The following TAFA4 variants were observed in gnomAD, a reference collection of about 807,000 sequenced individuals.
The protein encoded by TAFA4 is TAFA chemokine like family member 4, also known as chemokine-like protein TAFA-4.
In TAFA4, 20 loss-of-function variants were observed where a neutral mutation model predicts 21.1. The ratio of observed to expected loss-of-function variants is 0.95; its 90% confidence interval spans 0.67 to 1.38. TAFA4 has a LOEUF of 1.38. TAFA4 is among the 40% of genes most tolerant of loss of function. TAFA4 has a pLI of 0.00. For missense variants in TAFA4, 211 were observed against 180.9 expected (o/e 1.17, Z -0.95); for synonymous variants, 71 against 67.4 (o/e 1.05, Z -0.26).
chr3:68,818,374 G>T (rs1704034529), intron 3 of TAFA4, among the ~76,000 whole-genome samples: 1 of 152,174 alleles, frequency 6.6e-6, no homozygotes, highest in South Asian at 2.1e-4. Flanking sequence ...CAATAAGGCT[G>T]TTTTGCTTCA....
chr3:68,848,819 A>G (rs933495353), intron 3 of TAFA4, among the ~76,000 whole-genome samples: 3 of 152,130 alleles, frequency 2.0e-5, no homozygotes, highest in African/African-American at 4.8e-5. Flanking sequence ...GAGTGGGAAC[A>G]TGCACAGCTC....
In TAFA4 at chr3:68,911,391, G is replaced by T. The variant is rs76363274; in HGVS notation, c.-123+20849C>A. Among the ~76,000 whole-genome samples, 941 of 152,298 alleles carry T rather than the reference G, an allele frequency of 6.2e-3. 18 individuals are homozygous for T. Among genetic ancestry groups the T allele is most frequent in the African/African-American group, 0.022 (914 of 41,556 alleles). On this transcript the variant is annotated intron_variant, in intron 1 of 5. Coordinates refer to ENST00000295569, the MANE Select transcript of TAFA4 (RefSeq NM_182522.5). ...ATTCCCTGTGTATTTTGATGGAAAA[G>T]ACACTAACAAAGACTTATGTGTCAA...
At chr3:68,789,052 T>C (rs192149489) in intron 3 of TAFA4, among the ~76,000 whole-genome samples, 8 of 152,180 alleles carry the variant, frequency 5.3e-5, no homozygotes, top group Admixed American at 5.2e-4. Flanking sequence ...GCTAACATGG[T>C]GAGACCCCGT....
intron 1 of TAFA4, among the ~76,000 whole-genome samples, chr3:68,904,480 A>G (rs1169351666): frequency 6.6e-6 from 1 of 152,252 alleles, no homozygotes; most frequent in Non-Finnish European, 1.5e-5. Flanking sequence ...CAGGCAAATA[A>G]TAGTAAAGAG....
chr3:68,912,051 T>C (rs1559561208), intron 1 of TAFA4, among the ~76,000 whole-genome samples: 2 of 152,174 alleles, frequency 1.3e-5, no homozygotes, highest in Non-Finnish European at 2.9e-5. Flanking sequence ...TCACAGAATA[T>C]TTCCTGTACT....
chr3:68,763,195 G>C (rs534527727), intron 3 of TAFA4, among the ~76,000 whole-genome samples: 1 of 152,340 alleles, frequency 6.6e-6, no homozygotes, highest in African/African-American at 2.4e-5. Context: ...AAGGCCTAAA[G>C]AGAGACCTTT....
chr3:68,874,341 G>A (rs2106941540), intron 3 of TAFA4, among the ~76,000 whole-genome samples: 1 of 152,084 alleles, frequency 6.6e-6, no homozygotes, highest in South Asian at 2.1e-4. Flanking sequence ...CTACCATATG[G>A]ACCAAAATAT....
At position 68,862,584 on chromosome 3, in the gene TAFA4, C is replaced by T. The variant is rs1183773327; in HGVS notation, c.130+18146G>A. On this transcript the variant is annotated intron_variant, in intron 3 of 5. Coordinates refer to ENST00000295569, the MANE Select transcript of TAFA4 (RefSeq NM_182522.5). ...TCCTCTTCTACCCCTTCAGGAAGGC[C>T]TGAACTACAAACGTATTTCCAATAG... 2.6e-5 allele frequency among the ~76,000 whole-genome samples: 4 copies of T among 152,112 alleles called. No homozygotes were observed. The East Asian group carries it at 7.7e-4, about 29-fold the overall frequency.
At chr3:68,908,806 T>G (rs1487207037) in intron 1 of TAFA4, among the ~76,000 whole-genome samples, 1 of 152,208 alleles carries the variant, frequency 6.6e-6, no homozygotes, top group Non-Finnish European at 1.5e-5. Context: ...TCAGTTATAC[T>G]CCGAAGTAGC....
intron 4 of TAFA4, among the ~76,000 whole-genome samples, chr3:68,742,237 G>A (rs535186033): frequency 2.5e-4 from 26 of 105,232 alleles, no homozygotes; most frequent in African/African-American, 8.4e-4. Flanking sequence ...GGTCATATAC[G>A]ACAAGACATG....
intron 5 of TAFA4, among the ~76,000 whole-genome samples, chr3:68,737,926 A>G (rs1457727713): frequency 2.6e-5 from 4 of 152,208 alleles, no homozygotes; most frequent in Non-Finnish European, 5.9e-5. Context: ...GACCTTGGTC[A>G]TGTCATTTTT....
At chr3:68,846,869 G>T (rs1704814501) in intron 3 of TAFA4, among the ~76,000 whole-genome samples, 1 of 152,138 alleles carries the variant, frequency 6.6e-6, no homozygotes, top group Non-Finnish European at 1.5e-5. Flanking sequence ...AGCAAAGATT[G>T]CTGCCTGTTC....
intron 3 of TAFA4, among the ~76,000 whole-genome samples, chr3:68,832,510 G>A (rs549089009): frequency 1.3e-5 from 2 of 152,320 alleles, no homozygotes; most frequent in Admixed American, 6.5e-5. Flanking sequence ...ATCACCAGCA[G>A]AGGCTGCAGA....
intron 1 of TAFA4, among the ~76,000 whole-genome samples, chr3:68,901,602 T>TA (rs1204075685): frequency 6.6e-6 from 1 of 152,222 alleles, no homozygotes; most frequent in Non-Finnish European, 1.5e-5. Context: ...CCAGGAACGA[T>TA]ATATCAAGTG....
At chr3:68,855,824 C>T (rs1428155558) in intron 3 of TAFA4, among the ~76,000 whole-genome samples, 3 of 152,052 alleles carry the variant, frequency 2.0e-5, no homozygotes, top group African/African-American at 7.2e-5. Context: ...CCTGTTCTGA[C>T]CACCGAATGC....
chr3:68,841,749 G>A (rs6795412), intron 3 of TAFA4, among the ~76,000 whole-genome samples: 67,141 of 150,814 alleles, frequency 0.45, 15,383 homozygotes, highest in African/African-American at 0.51. Flanking sequence ...CCCTGTGTCC[G>A]TGTGTTCTCA....
At chr3:68,827,185 T>A (rs1704259554) in intron 3 of TAFA4, among the ~76,000 whole-genome samples, 1 of 152,124 alleles carries the variant, frequency 6.6e-6, no homozygotes, top group African/African-American at 2.4e-5. Flanking sequence ...GGTTTCCAGC[T>A]TCATCCATGT....
intron 3 of TAFA4, among the ~76,000 whole-genome samples, chr3:68,794,419 C>T (rs1427277524): frequency 6.6e-6 from 1 of 152,144 alleles, no homozygotes; most frequent in Non-Finnish European, 1.5e-5. Flanking sequence ...AGTAATCTAA[C>T]ACCCGGCTTT....
At chr3:68,922,018 C>G (rs896310535) in intron 1 of TAFA4, among the ~76,000 whole-genome samples, 2 of 152,184 alleles carry the variant, frequency 1.3e-5, no homozygotes, top group Non-Finnish European at 2.9e-5. Context: ...TTAATTTGTA[C>G]TTTTGGTTCA....
Sources: allele counts gnomAD v4.1 joint callset (sites outside exome capture counted in the v4.1 genomes callset), GRCh38; gene constraint gnomAD v4.1.1; transcripts MANE v1.5; gene names NCBI Gene and HGNC (gene_info 2026-07-23, HGNC 2026-07-21).